The following AKAP10 variants were observed in gnomAD, a reference collection of about 807,000 sequenced individuals.
AKAP10 encodes A-kinase anchor protein 10, mitochondrial.
A neutral mutation model predicts 80.8 loss-of-function variants in AKAP10; 24 were observed. The observed-to-expected ratio is 0.30, with a 90% CI of 0.22 to 0.42. The LOEUF (loss-of-function observed/expected upper bound fraction) is 0.42. Ranked by LOEUF, AKAP10 falls within the 10% of genes least tolerant of loss-of-function variation. The probability of loss-of-function intolerance (pLI) is 1.00; values close to 1 mark genes in which losing one functional copy is unlikely to be tolerated. For synonymous variants in AKAP10, 291 were observed against 277.7 expected, an observed-to-expected ratio of 1.05 and a Z score of -0.48; for missense variants, 661 against 794.9, an observed-to-expected ratio of 0.83 and a Z score of 2.03.
At chr17:19,909,481 G>A (rs1002503298) in intron 13 of AKAP10, among the ~76,000 whole-genome samples, 1 of 152,160 alleles carries the variant, frequency 6.6e-6, no homozygotes, top group African/African-American at 2.4e-5. Context: ...GTCAACTACT[G>A]GATACCTAAC....
intron 8 of AKAP10, among the ~76,000 whole-genome samples, chr17:19,938,237 ATT>A (rs71157845): frequency 0.05 from 6,774 of 136,038 alleles, 213 homozygotes; most frequent in Non-Finnish European, 0.075. Flanking sequence ...CTGAAAACCT[ATT>A]TTTTTTTTTT....
intron 5 of AKAP10, among the ~76,000 whole-genome samples, chr17:19,942,736 C>A (rs545531878): frequency 6.6e-6 from 1 of 152,200 alleles, no homozygotes; most frequent in African/African-American, 2.4e-5. Flanking sequence ...GCTGGAAAAA[C>A]CATATAACAT....
chr17:19,956,696 A>G (rs556644769), intron 4 of AKAP10, among the ~76,000 whole-genome samples: 6 of 152,238 alleles, frequency 3.9e-5, no homozygotes, highest in Non-Finnish European at 7.4e-5. Flanking sequence ...CCCAGCTTAC[A>G]GTAACTTTGC....
chr17:19,926,050 C>T (rs1050140762), intron 10 of AKAP10, among the ~76,000 whole-genome samples: 6 of 152,050 alleles, frequency 3.9e-5, no homozygotes, highest in Admixed American at 6.6e-5. Context: ...TTATCTTAAG[C>T]GTTCAGATAC....
intron 1 of AKAP10, among the ~76,000 whole-genome samples, chr17:19,976,144 C>A (rs1440861893): frequency 6.6e-6 from 1 of 152,180 alleles, no homozygotes; most frequent in Non-Finnish European, 1.5e-5. Flanking sequence ...CAGTTAGCAG[C>A]AGAGCTGTCA....
intron 1 of AKAP10, 120 bp downstream of exon 1, chr17:19,977,472 C>T (rs2043585219): frequency 1.1e-5 from 8 of 751,480 alleles, no homozygotes; most frequent in Non-Finnish European, 1.5e-5. Flanking sequence ...GGCATCTGCG[C>T]CGAGGTCGAG....
chr17:19,974,911 C>T (rs572044062), intron 1 of AKAP10, among the ~76,000 whole-genome samples: 1 of 152,068 alleles, frequency 6.6e-6, no homozygotes, highest in South Asian at 2.1e-4. Flanking sequence ...CTCAGGTGAT[C>T]CTCCTGTCTC....
intron 4 of AKAP10, among the ~76,000 whole-genome samples, chr17:19,948,892 G>A (rs576514238): frequency 2.6e-4 from 40 of 152,266 alleles, no homozygotes; most frequent in African/African-American, 9.1e-4. Context: ...AACCAGAGCC[G>A]ACAGAATGCT....
chr17:19,970,238 C>T (rs186369616), intron 1 of AKAP10, among the ~76,000 whole-genome samples: 12 of 152,248 alleles, frequency 7.9e-5, no homozygotes, highest in African/African-American at 2.4e-4. Context: ...ACCAAAATTC[C>T]GGAAGTCATC....
At chr17:19,963,148 G>T in intron 2 of AKAP10, 126 bp from the exon 3 acceptor site, 2 of 628,640 alleles carry the variant, frequency 3.2e-6, no homozygotes, top group Non-Finnish European at 4.8e-6. Flanking sequence ...AGCATACTCA[G>T]CAAAAAATAC....
intron 9 of AKAP10, among the ~76,000 whole-genome samples, chr17:19,932,621 A>C (rs528094197): frequency 9.9e-5 from 15 of 152,118 alleles, no homozygotes; most frequent in Admixed American, 6.6e-4. Flanking sequence ...TAAATGTTAA[A>C]GTCTTTGTGC....
rs2072337 is a variant in AKAP10 at position 19,939,692 on chromosome 17, C to G, written c.1322+21G>C. On this transcript the variant is annotated intron_variant, in intron 8 of 14. Coordinates refer to ENST00000225737, the MANE Select transcript of AKAP10 (RefSeq NM_007202.4). Reference sequence around the variant, plus strand: ...AATGTTCAATAAGTATCTGCTGAATCCATCTATCAATATAACTCACTTGTC... The same window carrying G: ...AATGTTCAATAAGTATCTGCTGAATGCATCTATCAATATAACTCACTTGTC... 4,156 of 1,608,306 alleles carry G rather than the reference C, an allele frequency of 2.6e-3. 185 individuals carry two copies. The East Asian group carries it at 0.086, about 33-fold the overall frequency.
At chr17:19,913,213 G>A (rs949308707) in intron 12 of AKAP10, among the ~76,000 whole-genome samples, 11 of 149,548 alleles carry the variant, frequency 7.4e-5, no homozygotes, top group Admixed American at 6.0e-4. Context: ...GAGTTCAGCG[G>A]TGCAATCTCA....
intron 11 of AKAP10, among the ~76,000 whole-genome samples, chr17:19,924,043 T>G (rs2042847803): frequency 6.6e-6 from 1 of 152,228 alleles, no homozygotes; most frequent in Non-Finnish European, 1.5e-5. Flanking sequence ...TATCTTTTTA[T>G]TACAAGCTAA....
At chr17:19,918,745 C>T (rs1005738759) in intron 12 of AKAP10, among the ~76,000 whole-genome samples, 6 of 152,264 alleles carry the variant, frequency 3.9e-5, no homozygotes, top group African/African-American at 7.2e-5. Context: ...CCATCTGTCA[C>T]GGATCCACAT....
At chr17:19,920,941 T>A (rs2042806334) in intron 11 of AKAP10, among the ~76,000 whole-genome samples, 2 of 140,786 alleles carry the variant, frequency 1.4e-5, no homozygotes, top group Non-Finnish European at 3.0e-5. Context: ...ATGATTAGTA[T>A]CGAGAAACAT....
intron 11 of AKAP10, among the ~76,000 whole-genome samples, chr17:19,922,621 C>G (rs1270130354): frequency 6.6e-6 from 1 of 152,140 alleles, no homozygotes; most frequent in African/African-American, 2.4e-5. Context: ...AAAATACATG[C>G]TGGGTGTGGT....
At position 19,909,968 on chromosome 17, in the gene AKAP10, G is replaced by T; in HGVS notation, c.1845C>A (p.Phe615Leu). The part of the protein sequence containing the change: ...PDVRKSKGSM[F>L]SQAMKKWVQG... ...GCACCCATTTCTTCATAGCTTGTGA[G>T]AACATGGATCCTAGTAAACAAAGAC... is the stretch of plus-strand genomic sequence containing the variant. Residue 615 changes from phenylalanine (F) to leucine (L), a missense_variant, in exon 13 of 15, where the codon TTC (phenylalanine) becomes TTA (leucine). Coordinates refer to ENST00000225737, the MANE Select transcript of AKAP10 (RefSeq NM_007202.4). 1 of 1,613,430 alleles carries T rather than the reference G, an allele frequency of 6.2e-7. No individual in the cohort carries two copies. The highest frequency in any genetic ancestry group is 1.1e-5 in the South Asian group (1 of 91,030).
intron 4 of AKAP10, 47 bp from the exon 5 acceptor site, chr17:19,947,552 T>G: frequency 8.0e-7 from 1 of 1,244,142 alleles, no homozygotes; most frequent in Non-Finnish European, 1.2e-6. Context: ...CAACTTGGAC[T>G]CCAGTAATGA....
Sources: allele counts gnomAD v4.1 joint callset (sites outside exome capture counted in the v4.1 genomes callset), GRCh38; gene constraint gnomAD v4.1.1; transcripts MANE v1.5; gene names NCBI Gene and HGNC (gene_info 2026-07-23, HGNC 2026-07-21).